The following MTA3 variants were observed in gnomAD, a reference collection of about 807,000 sequenced individuals.
MTA3 encodes the protein metastasis associated 1 family member 3.
In MTA3, 34 loss-of-function variants were observed where a neutral mutation model predicts 83.5. That is an observed-to-expected ratio of 0.41 (90% CI 0.31 to 0.54). MTA3 has a LOEUF of 0.54. Ranked by LOEUF, MTA3 falls within the 20% of genes least tolerant of loss-of-function variation. The probability of loss-of-function intolerance (pLI) is 0.33; values close to 1 mark genes in which losing one functional copy is unlikely to be tolerated. For synonymous variants in MTA3, 303 were observed against 252.7 expected (o/e 1.20, Z -1.89); for missense variants, 761 against 726.4 (o/e 1.05, Z -0.55).
chr2:42,725,675 C>T lies in MTA3; in HGVS notation c.1759+2640C>T, dbSNP rs76347940. On this transcript the variant is annotated intron_variant, in intron 16 of 16. Transcript: ENST00000405094. ...GGGCACTGCCCTGCCGGTGCAGGCA[C>T]CTCTCAGGAGGTGTGATGAGGCTGG... 9.5e-3 allele frequency among the ~76,000 whole-genome samples: 1,442 copies of T among 152,338 alleles called. 18 individuals carry two copies. The highest frequency in any genetic ancestry group is 0.033 in the African/African-American group (1,373 of 41,574).
chr2:42,674,637 T>G (rs1371536655), intron 8 of MTA3, among the ~76,000 whole-genome samples: 1 of 140,828 alleles, frequency 7.1e-6, no homozygotes, highest in Non-Finnish European at 1.5e-5. Flanking sequence ...TCTCACTCCA[T>G]CACTAGGCTG....
intron 5 of MTA3, among the ~76,000 whole-genome samples, chr2:42,641,052 G>A (rs1037108448): frequency 6.6e-6 from 1 of 151,912 alleles, no homozygotes; most frequent in Non-Finnish European, 1.5e-5. Context: ...GATCATAGGT[G>A]CCTGCCACCA....
rs201405587 is a variant in MTA3 at position 42,525,185 on chromosome 2, TTTC to T, written c.-141+29943_-141+29945del. The stretch of plus-strand genomic sequence containing the variant: ...TTGTTTTTCAGCACTTCAATTTCTT[TTTC>T]TTCTTCTTCTTTTTTTTTTTTGAAT... On this transcript the variant is annotated intron_variant, in intron 2 of 17. Coordinates refer to the MTA3 transcript ENST00000405592. Among the ~76,000 whole-genome samples the T allele has an allele frequency of 9.2e-4, 117 of 127,408 alleles. 1 individual carries two copies. Among genetic ancestry groups the T allele is most frequent in the Non-Finnish European group, 1.0e-3 (58 of 58,190 alleles). 83.6% of individuals were successfully genotyped at this position (127,408 alleles called of 152,430 possible).
intron 2 of MTA3, among the ~76,000 whole-genome samples, chr2:42,550,491 A>T (rs941845589): frequency 1.3e-5 from 2 of 152,084 alleles, no homozygotes; most frequent in African/African-American, 4.8e-5. Context: ...TGAGGGGTTC[A>T]CCCAATGGAG....
chr2:42,710,858 C>A (rs1361929015), intron 14 of MTA3, among the ~76,000 whole-genome samples: 1 of 152,102 alleles, frequency 6.6e-6, no homozygotes, highest in East Asian at 1.9e-4. Flanking sequence ...GTGGGCAGAT[C>A]ACCTGAGGTC....
chr2:42,568,868 G>A, intron 1 of MTA3, 95 bp downstream of exon 1: 3 of 1,163,080 alleles, frequency 2.6e-6, no homozygotes, highest in Non-Finnish European at 3.2e-6. Flanking sequence ...AGCCAAGGGC[G>A]CCGGGGCTGA....
At chr2:42,585,625 C>T (rs1053138694) in intron 3 of MTA3, among the ~76,000 whole-genome samples, 5 of 152,008 alleles carry the variant, frequency 3.3e-5, no homozygotes, top group African/African-American at 1.2e-4. Context: ...CAGATGTGTG[C>T]CACCACGCCT....
rs555808139 is a variant in MTA3, at chr2:42,622,212, G to A, written c.317+12628G>A. 1.3e-3 allele frequency among the ~76,000 whole-genome samples: 200 copies of A among 152,272 alleles called. 1 individual carries two copies. Among genetic ancestry groups the A allele is most frequent in the Non-Finnish European group, 2.3e-3 (155 of 68,012 alleles). On this transcript the variant is annotated intron_variant, in intron 4 of 16. Transcript: ENST00000405094. ...GCGGTTAGGAGCTGGAGACCAGCCC[G>A]GCCAACACAGCGAAACCCCGTCTCC...
chr2:42,677,105 A>G (rs1691431968), intron 8 of MTA3, among the ~76,000 whole-genome samples: 1 of 152,160 alleles, frequency 6.6e-6, no homozygotes, highest in African/African-American at 2.4e-5. Flanking sequence ...TAGGCACAGT[A>G]AGAGATCAAC....
chr2:42,639,419 G>A (rs1317200252), intron 4 of MTA3, among the ~76,000 whole-genome samples: 1 of 151,978 alleles, frequency 6.6e-6, no homozygotes, highest in Admixed American at 6.6e-5. Flanking sequence ...TTAGTTATAC[G>A]GATTTTTTTA....
At chr2:42,630,122 G>T (rs565180478) in intron 4 of MTA3, among the ~76,000 whole-genome samples, 2 of 152,236 alleles carry the variant, frequency 1.3e-5, no homozygotes, top group South Asian at 4.1e-4. Flanking sequence ...TGATTCTAAT[G>T]TCAGAGATCC....
intron 4 of MTA3, 79 bp from the exon 5 acceptor site, chr2:42,640,094 A>T (rs1687573393): frequency 9.3e-7 from 1 of 1,076,984 alleles, no homozygotes; most frequent in Non-Finnish European, 1.4e-6. Context: ...CCAGTCTCAC[A>T]TTCTTAACTT....
intron 10 of MTA3, among the ~76,000 whole-genome samples, chr2:42,696,142 G>A (rs1246364720): frequency 6.6e-6 from 1 of 152,132 alleles, no homozygotes; most frequent in Non-Finnish European, 1.5e-5. Context: ...AAGATGTGAT[G>A]CTAACACAAA....
intron 3 of MTA3, among the ~76,000 whole-genome samples, chr2:42,597,233 T>C (rs937818847): frequency 6.6e-6 from 1 of 151,846 alleles, no homozygotes; most frequent in African/African-American, 2.4e-5. Context: ...AAATTATTAT[T>C]ATTATTATTT....
upstream of MTA3, among the ~76,000 whole-genome samples, chr2:42,563,967 G>T (rs1197143719): frequency 6.6e-6 from 1 of 152,126 alleles, no homozygotes; most frequent in Non-Finnish European, 1.5e-5. Context: ...GGAATTACAG[G>T]CGTGTGCCAC....
chr2:42,675,192 A>G lies in MTA3; in HGVS notation c.703-7209A>G, dbSNP rs117144995. Among the ~76,000 whole-genome samples the G allele has an allele frequency of 2.5e-3, 384 of 151,436 alleles. 9 individuals carry two copies. The East Asian group carries it at 0.064, about 25-fold the overall frequency. On this transcript the variant is annotated intron_variant, in intron 8 of 16. Coordinates refer to ENST00000405094, the MANE Select transcript of MTA3 (RefSeq NM_001330442.2). ...CACTCTGTCACCCAGCTGGAGTGCAATGGTGACGTCTCTGCTCACTGCAAC... is the reference window on the plus strand; with the variant it reads ...CACTCTGTCACCCAGCTGGAGTGCAGTGGTGACGTCTCTGCTCACTGCAAC...
chr2:42,610,736 A>T (rs1033982004), intron 4 of MTA3, among the ~76,000 whole-genome samples: 11 of 152,194 alleles, frequency 7.2e-5, no homozygotes, highest in African/African-American at 2.7e-4. Context: ...CTACTTACTC[A>T]GCCTTCCAGA....
chr2:42,587,185 T>A (rs1244295726), intron 3 of MTA3, among the ~76,000 whole-genome samples: 1 of 151,196 alleles, frequency 6.6e-6, no homozygotes, highest in East Asian at 1.9e-4. Context: ...ACAGTGAGAC[T>A]CTGTCTCAAA....
chr2:42,575,247 A>T (rs557362015), intron 2 of MTA3, among the ~76,000 whole-genome samples: 1 of 152,090 alleles, frequency 6.6e-6, no homozygotes, highest in East Asian at 1.9e-4. Flanking sequence ...TCTTTTTTCC[A>T]TATCATTTAT....
Sources: gnomAD v4.1 joint callset for allele counts (sites outside exome capture counted in the v4.1 genomes callset) on GRCh38, gnomAD v4.1.1 for gene constraint, MANE v1.5 for transcripts, NCBI Gene and HGNC (gene_info 2026-07-23, HGNC 2026-07-21) for gene names.